Variants in EYA2 observed in about 807,000 individuals in gnomAD.
EYA2 encodes EYA transcriptional coactivator and phosphatase 2.
In EYA2, 31 loss-of-function variants were observed where a neutral mutation model predicts 69.2. The observed-to-expected ratio is 0.45, with a 90% CI of 0.34 to 0.60. The LOEUF is 0.60. Ranked by LOEUF, EYA2 falls within the 20% of genes least tolerant of loss-of-function variation. The pLI is 0.02. For missense variants in EYA2, 622 were observed against 701.2 expected, an observed-to-expected ratio of 0.89 and a Z score of 1.28; for synonymous variants, 257 against 279.4, an observed-to-expected ratio of 0.92 and a Z score of 0.80.
At chr20:47,040,033 G>A (rs1026961108) in intron 5 of EYA2, among the ~76,000 whole-genome samples, 1 of 151,704 alleles carries the variant, frequency 6.6e-6, no homozygotes, top group Admixed American at 6.6e-5. Flanking sequence ...TAGAGACGGG[G>A]TTTCACCATG....
intron 4 of EYA2, among the ~76,000 whole-genome samples, chr20:47,014,758 G>A (rs1055222064): frequency 1.3e-5 from 2 of 151,442 alleles, no homozygotes; most frequent in Non-Finnish European, 3.0e-5. Context: ...ATGTATATAT[G>A]TGTGTATATA....
At chr20:46,956,989 AC>A (rs1979162425) in intron 1 of EYA2, among the ~76,000 whole-genome samples, 1 of 151,956 alleles carries the variant, frequency 6.6e-6, no homozygotes, top group South Asian at 2.1e-4. Context: ...TGATTTAATT[AC>A]CTCCCACTGG....
At chr20:47,082,597 A>G (rs886999780) in intron 7 of EYA2, among the ~76,000 whole-genome samples, 4 of 152,232 alleles carry the variant, frequency 2.6e-5, no homozygotes, top group African/African-American at 9.6e-5. Context: ...ATGGAGATAT[A>G]TACCTGGTTC....
At chr20:46,970,194 A>G (rs1980054196) in intron 1 of EYA2, among the ~76,000 whole-genome samples, 1 of 152,258 alleles carries the variant, frequency 6.6e-6, no homozygotes, top group Non-Finnish European at 1.5e-5. Flanking sequence ...CGGTGAAAGT[A>G]CTTCCTAAAA....
intron 1 of EYA2, among the ~76,000 whole-genome samples, chr20:46,962,093 A>G (rs1979512048): frequency 1.3e-5 from 2 of 152,248 alleles, no homozygotes; most frequent in Admixed American, 1.3e-4. Context: ...CAGTAGCACG[A>G]TCAAGGCTCA....
At chr20:47,155,822 TAG>T (rs1387538519) in intron 10 of EYA2, among the ~76,000 whole-genome samples, 1 of 151,202 alleles carries the variant, frequency 6.6e-6, no homozygotes, top group East Asian at 2.0e-4. Context: ...TCATGGAGAA[TAG>T]AGTTTGAGAT....
At chr20:47,141,281 T>A (rs2033589037) in intron 9 of EYA2, among the ~76,000 whole-genome samples, 1 of 151,964 alleles carries the variant, frequency 6.6e-6, no homozygotes, top group Non-Finnish European at 1.5e-5. Context: ...CCTCCTAGAC[T>A]AGTGGTTCTT....
intron 7 of EYA2, among the ~76,000 whole-genome samples, chr20:47,088,629 C>A (rs2031973989): frequency 6.6e-6 from 1 of 152,118 alleles, no homozygotes; most frequent in South Asian, 2.1e-4. Flanking sequence ...GCTCTGTTAT[C>A]CAGGTTGGAG....
intron 5 of EYA2, among the ~76,000 whole-genome samples, chr20:47,066,323 C>T (rs1182455310): frequency 6.6e-6 from 1 of 151,866 alleles, no homozygotes; most frequent in African/African-American, 2.4e-5. Context: ...CAGAGTGAGA[C>T]CTTGTCTCAA....
intron 5 of EYA2, among the ~76,000 whole-genome samples, chr20:47,042,508 A>G (rs564195816): frequency 2.3e-4 from 35 of 152,320 alleles, no homozygotes; most frequent in Non-Finnish European, 2.9e-4. Context: ...ACAAATTCAT[A>G]TATGACCCTG....
Position 46,978,321 on chromosome 20 carries a change from C to A in EYA2, c.-10-11680C>A, listed in dbSNP as rs949923864. ...TCACAAACACCTGTAAAAACTGTTACAGTGACTGGTGTGTGTGATAGAGGG... is the reference window on the plus strand; with the variant it reads ...TCACAAACACCTGTAAAAACTGTTAAAGTGACTGGTGTGTGTGATAGAGGG... On this transcript the variant is annotated intron_variant, in intron 1 of 15. Coordinates refer to ENST00000327619, the MANE Select transcript of EYA2 (RefSeq NM_005244.5). The A allele has an allele frequency of 5.2e-5, 16 of 307,920 alleles. No homozygotes were observed. In the Admixed American group the frequency reaches 5.3e-4, roughly 10 times the overall value. The allele number at this position is 307,920 out of a possible 1,614,324, so 19.1% of individuals were successfully genotyped here.
chr20:46,897,930 CTG>C (rs139575365), intron 1 of EYA2, among the ~76,000 whole-genome samples: 5 of 151,606 alleles, frequency 3.3e-5, no homozygotes, highest in Non-Finnish European at 5.9e-5. Flanking sequence ...TAGGTGTATG[CTG>C]TGTGTGTGTG....
chr20:47,082,896 T>G (rs1199162790), intron 7 of EYA2, among the ~76,000 whole-genome samples: 1 of 151,878 alleles, frequency 6.6e-6, no homozygotes, highest in East Asian at 1.9e-4. Flanking sequence ...GGAACAGAAT[T>G]GAGAGTTCAG....
chr20:47,128,552 T>G (rs919291213), intron 9 of EYA2, among the ~76,000 whole-genome samples: 3 of 152,240 alleles, frequency 2.0e-5, no homozygotes, highest in East Asian at 1.9e-4. Context: ...ATCTGGTGGT[T>G]ATCTGCCCTA....
At chr20:47,063,386 C>CGTGTGT (rs1228558146) in intron 5 of EYA2, among the ~76,000 whole-genome samples, 8 of 93,608 alleles carry the variant, frequency 8.5e-5, no homozygotes, top group Admixed American at 2.3e-4. Context: ...TGTGTGTGTG[C>CGTGTGT]GTGTGCGTGT....
chr20:46,964,635 A>G (rs368185325), intron 1 of EYA2, among the ~76,000 whole-genome samples: 2 of 152,172 alleles, frequency 1.3e-5, no homozygotes, highest in East Asian at 3.8e-4. Flanking sequence ...TTTGCCAGAC[A>G]CTCTGCTAAA....
At chr20:47,116,207 C>T (rs1027413590) in intron 9 of EYA2, among the ~76,000 whole-genome samples, 97 of 107,008 alleles carry the variant, frequency 9.1e-4, no homozygotes, top group Middle Eastern at 9.3e-3. Context: ...GATGGAGTTT[C>T]GCTCTTATTG....
chr20:46,949,413 G>A (rs1227088295), intron 1 of EYA2, among the ~76,000 whole-genome samples: 2 of 152,152 alleles, frequency 1.3e-5, no homozygotes, highest in Non-Finnish European at 2.9e-5. Context: ...AAGACTTTCA[G>A]GTAAAAGTAA....
chr20:47,108,568 T>C (rs185572313), intron 9 of EYA2, among the ~76,000 whole-genome samples: 583 of 152,294 alleles, frequency 3.8e-3, no homozygotes, highest in Non-Finnish European at 6.4e-3. Context: ...TATTTATCTT[T>C]ATTTTTTATT....
Sources: allele counts gnomAD v4.1 joint callset (sites outside exome capture counted in the v4.1 genomes callset), GRCh38; gene constraint gnomAD v4.1.1; transcripts MANE v1.5; gene names NCBI Gene and HGNC (gene_info 2026-07-23, HGNC 2026-07-21).